Variants in NXPE1 observed in about 807,000 individuals in gnomAD.
NXPE1 encodes the protein neurexophilin and PC-esterase domain family member 1, also known as NXPE family member 1.
NXPE1 carries 31 observed loss-of-function variants against 33.3 expected under a neutral mutation model. That is an observed-to-expected ratio of 0.93 (90% CI 0.70 to 1.26). NXPE1 has a LOEUF of 1.26. Among genes scored for constraint, NXPE1 ranks in the 50% most tolerant of loss-of-function variants. NXPE1 has a pLI of 0.00. For synonymous variants in NXPE1, 229 were observed against 231.4 expected (o/e 0.99, Z 0.09); for missense variants, 661 against 655.6 (o/e 1.01, Z -0.09).
chr11:114,548,858 C>T (rs752369886), intron 5 of NXPE1, among the ~76,000 whole-genome samples: 28 of 151,472 alleles, frequency 1.8e-4, no homozygotes, highest in Admixed American at 3.3e-4. Flanking sequence ...AAACAAAAAC[C>T]TGGGTTTTAT....
intron 5 of NXPE1, among the ~76,000 whole-genome samples, chr11:114,532,916 T>A (rs943986404): frequency 6.6e-6 from 1 of 152,200 alleles, no homozygotes; most frequent in African/African-American, 2.4e-5. Flanking sequence ...GTTCTCAGAC[T>A]TATCTGATTG....
At chr11:114,551,841 G>T (rs573102178) in intron 3 of NXPE1, 133 bp downstream of exon 3, 2 of 152,228 alleles carry the variant, frequency 1.3e-5, no homozygotes, top group African/African-American at 2.4e-5. Flanking sequence ...GAGAGAGATG[G>T]AGAGAGAGAG....
intron 5 of NXPE1, among the ~76,000 whole-genome samples, chr11:114,543,519 T>TAAA (rs35370315): frequency 6.8e-6 from 1 of 146,956 alleles, no homozygotes; most frequent in South Asian, 2.1e-4. Context: ...AGACCCTGTT[T>TAAA]AAAAAAAAAA....
At chr11:114,522,811 T>C in intron 8 of NXPE1, 68 bp downstream of exon 8, 1 of 1,127,382 alleles carries the variant, frequency 8.9e-7, no homozygotes, top group Non-Finnish European at 1.3e-6. Flanking sequence ...AACGAGAGAA[T>C]AGAGACCTCA....
rs1019980569 is a variant in NXPE1 at position 114,540,077 on chromosome 11, G to A, written c.100-9169C>T. ...CCAAAGCGATTCTCCTGCCTCAGCCGCCTGAATAGCTGGGATTACAGACGC... is the reference window on the plus strand; with the variant it reads ...CCAAAGCGATTCTCCTGCCTCAGCCACCTGAATAGCTGGGATTACAGACGC... On this transcript the variant is annotated intron_variant, in intron 5 of 8. Coordinates refer to ENST00000534921, the Ensembl canonical transcript of NXPE1. Among the ~76,000 whole-genome samples, 10 of 152,150 alleles carry A rather than the reference G, an allele frequency of 6.6e-5. No homozygotes were observed. In the East Asian group the frequency reaches 9.7e-4, roughly 15 times the overall value.
chr11:114,537,042 G>A lies in NXPE1; in HGVS notation c.100-6134C>T, dbSNP rs535766177. 6.9e-4 allele frequency among the ~76,000 whole-genome samples: 105 copies of A among 152,260 alleles called. 1 individual carries two copies. The highest frequency in any genetic ancestry group is 1.4e-3 in the Non-Finnish European group (93 of 68,016). ...TGCAAAAATCCGCAATAAAATACTG[G>A]CAAACCGAATCCAGCAACACATCAA... On this transcript the variant is annotated intron_variant, in intron 5 of 8. Coordinates refer to ENST00000534921, the Ensembl canonical transcript of NXPE1.
chr11:114,523,067 C>T, exon 8 of NXPE1: 1 of 1,613,226 alleles, frequency 6.2e-7, no homozygotes, highest in Non-Finnish European at 8.5e-7. Flanking sequence ...TCCAACTTGG[C>T]ATGTCTCTTC....
At chr11:114,540,640 T>C (rs541019043) in intron 5 of NXPE1, among the ~76,000 whole-genome samples, 1 of 152,108 alleles carries the variant, frequency 6.6e-6, no homozygotes, top group East Asian at 1.9e-4. Context: ...TCTTTCAGAT[T>C]GCAATGTTCA....
At chr11:114,557,229 T>C (rs1948672962) in intron 1 of NXPE1, among the ~76,000 whole-genome samples, 1 of 152,154 alleles carries the variant, frequency 6.6e-6, no homozygotes, top group African/African-American at 2.4e-5. Flanking sequence ...TCAAAAACTC[T>C]AAAATTATTC....
chr11:114,535,824 A>G (rs545168405), intron 5 of NXPE1, among the ~76,000 whole-genome samples: 1 of 152,152 alleles, frequency 6.6e-6, no homozygotes, highest in African/African-American at 2.4e-5. Context: ...CTCCGACACA[A>G]TAATAATGGG....
At position 114,530,317 on chromosome 11, in the gene NXPE1, AG is replaced by A. The variant is rs766522145; in HGVS notation, c.690del (p.Cys231ValfsTer15). 1 of 1,614,110 alleles carries A rather than the reference AG, an allele frequency of 6.2e-7. No homozygotes were observed. The highest frequency in any genetic ancestry group is 8.5e-7 in the Non-Finnish European group (1 of 1,180,038). ...TGGTCTCTGTCATCCAGATATTCACAGAGTTCAGCATTTGAGTTTAGGGTCA... is the reference window on the plus strand; with the variant it reads ...TGGTCTCTGTCATCCAGATATTCACAAGTTCAGCATTTGAGTTTAGGGTCA... On this transcript the variant is annotated frameshift_variant, in exon 6 of 9. Transcript: ENST00000534921. LOFTEE classifies it high-confidence loss of function.
chr11:114,550,861 A>C (rs893771763), intron 5 of NXPE1, among the ~76,000 whole-genome samples: 7 of 152,176 alleles, frequency 4.6e-5, no homozygotes, highest in African/African-American at 1.7e-4. Flanking sequence ...AACAAGGGCC[A>C]TTTTGGGAGC....
intron 5 of NXPE1, among the ~76,000 whole-genome samples, chr11:114,548,916 A>G (rs971516306): frequency 2.6e-5 from 4 of 152,052 alleles, no homozygotes; most frequent in African/African-American, 4.8e-5. Flanking sequence ...TAGTGAATCT[A>G]ATCAATTCAA....
intron 7 of NXPE1, among the ~76,000 whole-genome samples, chr11:114,526,031 T>C (rs1021291074): frequency 1.3e-5 from 2 of 152,136 alleles, no homozygotes; most frequent in African/African-American, 2.4e-5. Flanking sequence ...TCTAATGTCA[T>C]TGGTCCTCAA....
chr11:114,530,455 G>GC lies in NXPE1; in HGVS notation c.552_553insG (p.Pro185AlafsTer3). The GC allele has an allele frequency of 6.2e-7, 1 of 1,614,192 alleles. No homozygotes were observed. The highest frequency in any genetic ancestry group is 8.5e-7 in the Non-Finnish European group (1 of 1,180,028). On this transcript the variant is annotated frameshift_variant, in exon 6 of 9. Transcript: ENST00000534921. LOFTEE classifies it high-confidence loss of function. ...CAGAGAGCCGACGCCCCTTCACTGG[G>GC]GTGGATGAGCAGCAGAGACAGGGAG...
chr11:114,558,876 A>T (rs1948716036), intron 1 of NXPE1, among the ~76,000 whole-genome samples: 1 of 152,188 alleles, frequency 6.6e-6, no homozygotes, highest in Admixed American at 6.5e-5. Context: ...TCACATACAA[A>T]GTTTGTTTTC....
intron 5 of NXPE1, among the ~76,000 whole-genome samples, chr11:114,531,111 A>T (rs902308129): frequency 6.6e-5 from 10 of 151,546 alleles, no homozygotes; most frequent in African/African-American, 2.4e-4. Flanking sequence ...TGATGATATA[A>T]TATTATTATA....
exon 5 of NXPE1, chr11:114,551,211 C>A (rs1373373251): frequency 5.3e-6 from 8 of 1,520,420 alleles, no homozygotes; most frequent in Middle Eastern, 1.7e-4. Context: ...TGACGAATGT[C>A]CTAGGAGAGA....
intron 5 of NXPE1, among the ~76,000 whole-genome samples, chr11:114,550,207 G>A (rs7951096): frequency 8.6e-5 from 13 of 152,006 alleles, no homozygotes; most frequent in East Asian, 1.9e-4. Context: ...GGTCAGACAG[G>A]CCAGTTAGAA....
Sources: gnomAD v4.1 joint callset for allele counts (sites outside exome capture counted in the v4.1 genomes callset) on GRCh38, gnomAD v4.1.1 for gene constraint, MANE v1.5 for transcripts, NCBI Gene and HGNC (gene_info 2026-07-23, HGNC 2026-07-21) for gene names.